The following WDPCP variants were observed in gnomAD, a reference collection of about 807,000 sequenced individuals.
The protein encoded by WDPCP is WD repeat containing planar cell polarity effector, also known as WD repeat-containing and planar cell polarity effector protein fritz homolog.
A neutral mutation model predicts 93.1 loss-of-function variants in WDPCP; 71 were observed. The observed-to-expected ratio is 0.76, with a 90% CI of 0.63 to 0.93. The LOEUF is 0.93. WDPCP is among the 40% of genes least tolerant of loss of function. The pLI, the probability that WDPCP is intolerant of heterozygous loss-of-function variation, is 0.00. For synonymous variants in WDPCP, 315 were observed against 315.0 expected (o/e 1.00, Z 0.00); for missense variants, 844 against 887.4 (o/e 0.95, Z 0.62).
intron 15 of WDPCP, among the ~76,000 whole-genome samples, chr2:63,157,101 T>C (rs1672313572): frequency 6.6e-6 from 1 of 151,770 alleles, no homozygotes; most frequent in African/African-American, 2.4e-5. Context: ...GACATGCGTT[T>C]TGTACCAGTT....
At chr2:63,291,808 CAA>C (rs58542222) in intron 13 of WDPCP, among the ~76,000 whole-genome samples, 94 of 132,984 alleles carry the variant, frequency 7.1e-4, no homozygotes, top group Admixed American at 1.7e-3. Context: ...GATTCTCTTA[CAA>C]AAAAAAAAAA....
chr2:63,183,595 A>G (rs1674405535), intron 14 of WDPCP, among the ~76,000 whole-genome samples: 1 of 152,014 alleles, frequency 6.6e-6, no homozygotes, highest in South Asian at 2.1e-4. Flanking sequence ...AGAAGAATCT[A>G]TATTCCGCTG....
intron 1 of WDPCP, among the ~76,000 whole-genome samples, chr2:63,585,014 G>A (rs2028884): frequency 0.92 from 139,959 of 152,268 alleles, 64,500 homozygotes; most frequent in East Asian, 1. Flanking sequence ...ACTTGACTAC[G>A]TAATGATCAT....
intron 6 of WDPCP, among the ~76,000 whole-genome samples, chr2:63,467,433 T>C (rs1433045092): frequency 1.3e-5 from 2 of 151,268 alleles, no homozygotes; most frequent in Non-Finnish European, 2.9e-5. Context: ...TGAGCCGAGA[T>C]TGCACTCCAT....
At chr2:63,821,695 GT>G (rs1671020991) in intron 1 of WDPCP, among the ~76,000 whole-genome samples, 1 of 152,070 alleles carries the variant, frequency 6.6e-6, no homozygotes, top group Admixed American at 6.6e-5. Context: ...GTCTATTGCT[GT>G]TTCCAATGTT....
At chr2:63,360,720 C>G (rs1318928530) in intron 12 of WDPCP, among the ~76,000 whole-genome samples, 1 of 152,230 alleles carries the variant, frequency 6.6e-6, no homozygotes, top group Non-Finnish European at 1.5e-5. Flanking sequence ...TCCCATGGCA[C>G]CTGTTGTTTC....
chr2:63,620,413 C>T (rs149588670), intron 3 of WDPCP, among the ~76,000 whole-genome samples: 3 of 152,284 alleles, frequency 2.0e-5, no homozygotes, highest in African/African-American at 4.8e-5. Context: ...TTCGGAAGTT[C>T]GAACTGAGTA....
intron 2 of WDPCP, among the ~76,000 whole-genome samples, chr2:63,703,959 A>G (rs1264024309): frequency 2.0e-5 from 3 of 152,018 alleles, no homozygotes; most frequent in Non-Finnish European, 2.9e-5. Context: ...ATTTGTTTGT[A>G]TCCTCTTTTA....
At chr2:63,438,978 GC>G (rs1697325944) in intron 7 of WDPCP, among the ~76,000 whole-genome samples, 1 of 152,106 alleles carries the variant, frequency 6.6e-6, no homozygotes, top group African/African-American at 2.4e-5. Context: ...GGGCTTCACA[GC>G]CCGAACCTGT....
intron 2 of WDPCP, among the ~76,000 whole-genome samples, chr2:63,696,577 T>A (rs1668964643): frequency 6.6e-6 from 1 of 152,116 alleles, no homozygotes; most frequent in Non-Finnish European, 1.5e-5. Flanking sequence ...TCCACCAGCC[T>A]GGAAAATGAG....
intron 6 of WDPCP, among the ~76,000 whole-genome samples, chr2:63,480,807 C>A (rs1419636649): frequency 6.6e-6 from 1 of 151,978 alleles, no homozygotes; most frequent in Non-Finnish European, 1.5e-5. Flanking sequence ...TGGAAGAACC[C>A]CTCTAGACAT....
chr2:63,672,228 G>T (rs1710356226), intron 2 of WDPCP, among the ~76,000 whole-genome samples: 1 of 152,204 alleles, frequency 6.6e-6, no homozygotes, highest in African/African-American at 2.4e-5. Flanking sequence ...CAATCCTGCA[G>T]ATTCTAAAAT....
At chr2:63,716,725 G>A (rs1669344537) in intron 2 of WDPCP, among the ~76,000 whole-genome samples, 1 of 152,012 alleles carries the variant, frequency 6.6e-6, no homozygotes, top group Non-Finnish European at 1.5e-5. Flanking sequence ...GGACTTTATT[G>A]GAAAATAAAA....
chr2:63,134,562 C>CTATG (rs565265040), intron 17 of WDPCP, among the ~76,000 whole-genome samples: 185 of 152,274 alleles, frequency 1.2e-3, no homozygotes, highest in Middle Eastern at 6.8e-3. Context: ...TTGGCTTATA[C>CTATG]TATGAGCACT....
chr2:63,204,290 C>T (rs1288189603), intron 14 of WDPCP, among the ~76,000 whole-genome samples: 1 of 148,682 alleles, frequency 6.7e-6, no homozygotes, highest in Non-Finnish European at 1.5e-5. Flanking sequence ...ATTTGCATTT[C>T]TCTGATGATC....
At chr2:63,263,313 G>A (rs1252275495) in intron 13 of WDPCP, among the ~76,000 whole-genome samples, 3 of 152,208 alleles carry the variant, frequency 2.0e-5, no homozygotes, top group African/African-American at 4.8e-5. Flanking sequence ...AATTGCCAAT[G>A]CAATGGTATT....
rs189997955 is a variant in WDPCP at position 63,158,595 on chromosome 2, A to G, written c.2079-5021T>C. On this transcript the variant is annotated intron_variant, in intron 15 of 17. Transcript: ENST00000272321. ...ACTAAGTTTTCCTTCACCAAATTTG[A>G]AGTTTTCAGGTATTCTTTGTATATA... Among the ~76,000 whole-genome samples, 27 of 152,112 alleles carry G rather than the reference A, an allele frequency of 1.8e-4. No individual in the cohort carries two copies. The East Asian group carries it at 5.0e-3, about 28-fold the overall frequency.
intron 1 of WDPCP, among the ~76,000 whole-genome samples, chr2:63,510,007 G>C (rs1195673989): frequency 6.6e-6 from 1 of 152,054 alleles, no homozygotes; most frequent in Non-Finnish European, 1.5e-5. Flanking sequence ...GAGGTACAAA[G>C]AGGAGCTGGT....
chr2:63,620,516 G>C (rs554884706), intron 3 of WDPCP, among the ~76,000 whole-genome samples: 2 of 152,310 alleles, frequency 1.3e-5, no homozygotes, highest in African/African-American at 2.4e-5. Context: ...AAAGGCAGCA[G>C]CCCCCGTCAG....
Sources: allele counts gnomAD v4.1 joint callset (sites outside exome capture counted in the v4.1 genomes callset), GRCh38; gene constraint gnomAD v4.1.1; transcripts MANE v1.5; gene names NCBI Gene and HGNC (gene_info 2026-07-23, HGNC 2026-07-21).